Variants in HIVEP3 observed in about 807,000 individuals in gnomAD.
HIVEP3 encodes the protein transcription factor HIVEP3.
A neutral mutation model predicts 152.8 loss-of-function variants in HIVEP3; 49 were observed. The ratio of observed to expected loss-of-function variants is 0.32; its 90% CI spans 0.26 to 0.41. The LOEUF is 0.41. Among genes scored for constraint, HIVEP3 ranks in the 10% least tolerant of loss-of-function variants. HIVEP3 has a pLI of 1.00. For synonymous variants in HIVEP3, 1,269 were observed against 1,289.0 expected, an observed-to-expected ratio of 0.98 and a Z score of 0.33; for missense variants, 2,790 against 3,103.3, an observed-to-expected ratio of 0.90 and a Z score of 2.40.
At chr1:41,972,768 C>T (rs941218734) in intron 1 of HIVEP3, among the ~76,000 whole-genome samples, 11 of 152,214 alleles carry the variant, frequency 7.2e-5, no homozygotes, top group Admixed American at 7.2e-4. Flanking sequence ...TTCACATCCA[C>T]AGGCCTGGCC....
chr1:41,584,309 G>T lies in HIVEP3; in HGVS notation c.489C>A (p.Val163=). The T allele has an allele frequency of 1.2e-6, 2 of 1,613,926 alleles. No individual in the cohort carries two copies. Among genetic ancestry groups the T allele is most frequent in the Non-Finnish European group, 1.7e-6 (2 of 1,179,890 alleles). Residue 163 remains valine, a synonymous_variant, in exon 4 of 9, where the codon GTC becomes GTA. Transcript: ENST00000372583. The surrounding 1 kb of genome is among the most constrained non-coding windows in gnomAD (Gnocchi z 5.2). The part of the protein sequence containing the change: ...PPEDLPGVPK[V]FVPRPSQVSL... The stretch of plus-strand genomic sequence containing the variant: ...AGACCTGGGAAGGACGAGGCACGAA[G>T]ACTTTGGGGACTCCAGGAAGGTCCT...
intron 1 of HIVEP3, among the ~76,000 whole-genome samples, chr1:41,870,831 C>T (rs1251625258): frequency 1.3e-5 from 2 of 152,194 alleles, no homozygotes; most frequent in African/African-American, 4.8e-5. Flanking sequence ...GTCAGGCTAT[C>T]TGGGTTAGGG....
intron 2 of HIVEP3, among the ~76,000 whole-genome samples, chr1:41,689,148 A>G (rs1646157244): frequency 6.6e-6 from 1 of 152,248 alleles, no homozygotes; most frequent in Non-Finnish European, 1.5e-5. Flanking sequence ...AAACAGCACA[A>G]GGTACGTATT....
At chr1:41,917,451 C>A (rs1644888364) in intron 1 of HIVEP3, among the ~76,000 whole-genome samples, 1 of 152,124 alleles carries the variant, frequency 6.6e-6, no homozygotes, top group South Asian at 2.1e-4. Flanking sequence ...TGCTGCTCAC[C>A]CAGCGACCAG....
intron 1 of HIVEP3, among the ~76,000 whole-genome samples, chr1:41,935,963 T>C (rs898395829): frequency 2.0e-5 from 3 of 152,004 alleles, no homozygotes; most frequent in Admixed American, 1.3e-4. Context: ...GGAGTCGAGC[T>C]ATACTCAAGT....
chr1:41,674,004 G>A (rs908137573), intron 2 of HIVEP3, among the ~76,000 whole-genome samples: 4 of 152,228 alleles, frequency 2.6e-5, no homozygotes, highest in African/African-American at 7.2e-5. Context: ...GCACAGCTGC[G>A]TTTCTAACCC....
At chr1:41,539,238 C>A (rs992630771) in intron 5 of HIVEP3, among the ~76,000 whole-genome samples, 1 of 148,896 alleles carries the variant, frequency 6.7e-6, no homozygotes, top group Non-Finnish European at 1.5e-5. Flanking sequence ...AGTTTCCCAG[C>A]AGCTCCTGCG....
chr1:41,689,014 T>C (rs985963075), intron 2 of HIVEP3, among the ~76,000 whole-genome samples: 14 of 152,206 alleles, frequency 9.2e-5, no homozygotes, highest in Admixed American at 3.9e-4. Context: ...GGACACTGTA[T>C]TTCCAACTTC....
At chr1:42,034,597 T>C (rs1166330322) in intron 1 of HIVEP3, among the ~76,000 whole-genome samples, 1 of 152,212 alleles carries the variant, frequency 6.6e-6, no homozygotes, top group Non-Finnish European at 1.5e-5. Context: ...TGTACACTTA[T>C]GTAGCAAGAG....
chr1:41,967,763 C>T (rs1645207391), intron 1 of HIVEP3, among the ~76,000 whole-genome samples: 1 of 152,002 alleles, frequency 6.6e-6, no homozygotes, highest in African/African-American at 2.4e-5. Context: ...AATTCAGGAG[C>T]TGTTTTTCTG....
intron 1 of HIVEP3, among the ~76,000 whole-genome samples, chr1:41,897,942 A>AGG (rs1379814141): frequency 2.2e-5 from 2 of 92,934 alleles, no homozygotes; most frequent in Non-Finnish European, 4.2e-5. Flanking sequence ...AGAGAGGGAG[A>AGG]GAGAGAGAGA....
Position 41,511,348 on chromosome 1 carries a change from G to T in HIVEP3, c.6406-82C>A. ...AGCCGAGGCCTGGAAGTGGGAGGGG[G>T]ACTCGCCCAAGATCACAGAGCGAGT... On this transcript the variant is annotated intron_variant, in intron 8 of 8. Transcript: ENST00000372583. The surrounding 1 kb of genome is among the most constrained non-coding windows in gnomAD (Gnocchi z 4.9). The T allele has an allele frequency of 7.9e-7, 1 of 1,258,668 alleles. No individual in the cohort carries two copies. The highest frequency in any genetic ancestry group is 1.5e-5 in the South Asian group (1 of 66,888). 78.0% of individuals were successfully genotyped at this position (1,258,668 alleles called of 1,614,324 possible).
intron 1 of HIVEP3, among the ~76,000 whole-genome samples, chr1:41,836,515 C>A (rs191798042): frequency 2.0e-5 from 3 of 152,216 alleles, no homozygotes; most frequent in Non-Finnish European, 2.9e-5. Context: ...GATCTCCTTA[C>A]GAGTAATCCC....
chr1:41,956,954 G>A (rs978841757), intron 1 of HIVEP3, among the ~76,000 whole-genome samples: 1 of 152,154 alleles, frequency 6.6e-6, no homozygotes, highest in Non-Finnish European at 1.5e-5. Context: ...CTTAGGATGG[G>A]TGAGAAGGAG....
At chr1:41,954,917 G>T (rs569626864) in intron 1 of HIVEP3, among the ~76,000 whole-genome samples, 22 of 151,592 alleles carry the variant, frequency 1.5e-4, no homozygotes, top group African/African-American at 5.1e-4. Context: ...CTCGGTAAAT[G>T]ATATCCATTG....
chr1:41,604,192 C>T (rs775118085), intron 3 of HIVEP3, among the ~76,000 whole-genome samples: 1 of 152,112 alleles, frequency 6.6e-6, no homozygotes, highest in Non-Finnish European at 1.5e-5. Flanking sequence ...TATAGAAATG[C>T]CTATGTATGT....
chr1:41,717,008 C>A (rs1646604708), intron 1 of HIVEP3, among the ~76,000 whole-genome samples: 1 of 152,218 alleles, frequency 6.6e-6, no homozygotes, highest in Admixed American at 6.5e-5. Context: ...TCTGCCCAGG[C>A]CTCGGCCTGG....
intron 1 of HIVEP3, among the ~76,000 whole-genome samples, chr1:41,707,160 T>TTC (rs2124139362): frequency 6.6e-6 from 1 of 152,178 alleles, no homozygotes; most frequent in South Asian, 2.1e-4. Context: ...CTTGAAGGGG[T>TTC]TCTGCAGGAC....
intron 3 of HIVEP3, among the ~76,000 whole-genome samples, chr1:41,619,550 G>A (rs575151843): frequency 1.3e-5 from 2 of 152,256 alleles, no homozygotes; most frequent in African/African-American, 4.8e-5. Flanking sequence ...ATGGTGCTTG[G>A]CCCCTTATGT....
Sources: gnomAD v4.1 joint callset for allele counts (sites outside exome capture counted in the v4.1 genomes callset) on GRCh38, gnomAD v4.1.1 for gene constraint, Gnocchi (gnomAD v3.1) non-coding constraint, MANE v1.5 for transcripts, NCBI Gene and HGNC (gene_info 2026-07-23, HGNC 2026-07-21) for gene names.